The following PCDHGA1 variants were observed in gnomAD, a reference collection of about 807,000 sequenced individuals.
PCDHGA1 encodes protocadherin gamma subfamily A, 1, also known as protocadherin gamma-A1.
A neutral mutation model predicts 58.0 loss-of-function variants in PCDHGA1; 32 were observed. The ratio of observed to expected loss-of-function variants is 0.55; its 90% confidence interval spans 0.42 to 0.74. The LOEUF is 0.74. Among genes scored for constraint, PCDHGA1 ranks in the 30% least tolerant of loss-of-function variants. PCDHGA1 has a pLI of 0.00. For missense variants in PCDHGA1, 1,205 were observed against 1,182.3 expected (o/e 1.02, Z -0.28); for synonymous variants, 498 against 501.1 (o/e 0.99, Z 0.08).
chr5:141,471,065 T>C (rs1355886133), intron 1 of PCDHGA1, among the ~76,000 whole-genome samples: 3 of 148,628 alleles, frequency 2.0e-5, no homozygotes, highest in Non-Finnish European at 3.0e-5. Context: ...TTTTTTTTTT[T>C]TGAGACAGGG....
chr5:141,393,052 G>A, intron 1 of PCDHGA1: 1 of 1,613,612 alleles, frequency 6.2e-7, no homozygotes, highest in Non-Finnish European at 8.5e-7. Flanking sequence ...CTGAACCCGC[G>A]CAGCGGCAGC....
At chr5:141,390,553 A>G in intron 1 of PCDHGA1, 3 of 476,468 alleles carry the variant, frequency 6.3e-6, no homozygotes, top group Non-Finnish European at 1.1e-5. Context: ...TGAAAGTGTT[A>G]GACAGTTGTT....
chr5:141,394,946 T>A (rs759854662), intron 1 of PCDHGA1: 1 of 1,613,768 alleles, frequency 6.2e-7, no homozygotes, highest in East Asian at 2.2e-5. Flanking sequence ...TCGCTGTGCT[T>A]CTGGGGCTCA....
At position 141,423,482 on chromosome 5, in the gene PCDHGA1, A is replaced by T. The variant is rs553914622; in HGVS notation, c.2422-71325A>T. On this transcript the variant is annotated intron_variant, in intron 1 of 3. Transcript: ENST00000517417. ...GTGGACGGGGTACAGGCTTTCCTGC[A>T]AACCTATTCCCACGAGGTCTCTCTC... is the stretch of plus-strand genomic sequence containing the variant. 1.1e-5 allele frequency: 17 copies of T among 1,613,968 alleles called. No homozygotes were observed. The African/African-American group carries it at 2.3e-4, about 22-fold the overall frequency.
chr5:141,494,142 A>G (rs2099752161), intron 1 of PCDHGA1, among the ~76,000 whole-genome samples: 1 of 152,090 alleles, frequency 6.6e-6, no homozygotes, highest in South Asian at 2.1e-4. Context: ...TTAGTCACAG[A>G]CCATTGTCTG....
chr5:141,433,140 CAGGTGATTCGGTATTTTCTAAAG>C (rs2097570930), intron 1 of PCDHGA1: 1 of 1,613,948 alleles, frequency 6.2e-7, no homozygotes, highest in Non-Finnish European at 8.5e-7. Flanking sequence ...CTTTTGCTGT[CAGGTGATTCGGTATTTTCTAAAG>C]ACAGTCATGG....
At chr5:141,345,740 A>G (rs564674250) in intron 1 of PCDHGA1, 17 of 1,614,172 alleles carry the variant, frequency 1.1e-5, no homozygotes, top group Admixed American at 1.7e-5. Context: ...CCCTCCCCAC[A>G]GACGGTTCCA....
chr5:141,372,340 G>C, intron 1 of PCDHGA1: 1 of 1,613,790 alleles, frequency 6.2e-7, no homozygotes, highest in Non-Finnish European at 8.5e-7. Flanking sequence ...GTGCGTGATG[G>C]AGGACAGCAG....
At position 141,487,905 on chromosome 5, in the gene PCDHGA1, G is replaced by A. The variant is rs1305989274; in HGVS notation, c.2422-6902G>A. The A allele has an allele frequency of 2.9e-6, 2 of 686,270 alleles. No individual in the cohort carries two copies. The highest frequency in any genetic ancestry group is 3.6e-5 in the African/African-American group (2 of 55,348). The allele number at this position is 686,270 out of a possible 1,614,324, so 42.5% of individuals were successfully genotyped here. ...GTGGAAGCATGATGATGGAATGTGG[G>A]AGCACAGGAGGCTACAGTGCACAGG... On this transcript the variant is annotated intron_variant, in intron 1 of 3. Coordinates refer to ENST00000517417, the MANE Select transcript of PCDHGA1 (RefSeq NM_018912.3). This position sits in a 1 kb window ranked among gnomAD's most constrained non-coding sequence, Gnocchi z 5.0.
chr5:141,375,736 T>C (rs1771819108), intron 1 of PCDHGA1: 2 of 1,614,242 alleles, frequency 1.2e-6, no homozygotes, highest in East Asian at 2.2e-5. Flanking sequence ...TGAGCCTGTT[T>C]GTGCTGGACC....
In PCDHGA1 at chr5:141,332,259, C is replaced by G. The variant is rs1280387328; in HGVS notation, c.1575C>G (p.Phe525Leu). The change falls in exon 1 of 4, where the codon TTC becomes TTG. Residue 525 changes from phenylalanine (F) to leucine (L), a missense_variant. By Grantham distance (22) the Phe-to-Leu change is conservative (BLOSUM62 0). Transcript: ENST00000517417. The surrounding 1 kb of genome is among the most constrained non-coding windows in gnomAD (Gnocchi z 4.6). ...YALRSFDYEQ[F>L]RDMQLKVMAR... ...TGCGATCCTTCGACTATGAGCAGTTCCGGGACATGCAACTGAAAGTGATGG... is the reference window on the plus strand; with the variant it reads ...TGCGATCCTTCGACTATGAGCAGTTGCGGGACATGCAACTGAAAGTGATGG... 4 of 1,614,238 alleles carry G rather than the reference C, an allele frequency of 2.5e-6. No individual in the cohort carries two copies. The highest frequency in any genetic ancestry group is 3.4e-6 in the Non-Finnish European group (4 of 1,180,046).
At chr5:141,422,434 T>C in intron 1 of PCDHGA1, 5 of 1,609,566 alleles carry the variant, frequency 3.1e-6, no homozygotes, top group Non-Finnish European at 3.4e-6. Context: ...TGGAAATTAT[T>C]ACAAATTGAT....
At position 141,468,868 on chromosome 5, in the gene PCDHGA1, A is replaced by AAAT. The variant is rs993655754; in HGVS notation, c.2422-25921_2422-25919dup. Among the ~76,000 whole-genome samples, 30 of 151,912 alleles carry AAAT rather than the reference A, an allele frequency of 2.0e-4. No homozygotes were observed. The East Asian group carries it at 4.3e-3, about 22-fold the overall frequency. On this transcript the variant is annotated intron_variant, in intron 1 of 3. Coordinates refer to ENST00000517417, the MANE Select transcript of PCDHGA1 (RefSeq NM_018912.3). ...GCAACAGAGCGAGACTCCATCTCAAAAATAATAATAATAATAATAAGGTAC... is the reference window on the plus strand; with the variant it reads ...GCAACAGAGCGAGACTCCATCTCAAAAATAATAATAATAATAATAATAAGGTAC...
At chr5:141,428,305 G>A (rs751498223) in intron 1 of PCDHGA1, 8 of 694,348 alleles carry the variant, frequency 1.2e-5, no homozygotes, top group African/African-American at 1.8e-5. Flanking sequence ...GATTTACCTG[G>A]TCGTGGCCTT....
intron 1 of PCDHGA1, among the ~76,000 whole-genome samples, chr5:141,353,321 C>T (rs941282314): frequency 6.6e-6 from 1 of 152,020 alleles, no homozygotes; most frequent in Non-Finnish European, 1.5e-5. Context: ...AGAGTTCTTC[C>T]CACCCAAGTT....
At chr5:141,378,584 A>T (rs1775030344) in intron 1 of PCDHGA1, 1 of 152,240 alleles carries the variant, frequency 6.6e-6, no homozygotes, top group Admixed American at 6.5e-5. Flanking sequence ...CATGCTCGGT[A>T]GTGTCTGCTT....
At chr5:141,369,567 A>G (rs1325702872) in intron 1 of PCDHGA1, among the ~76,000 whole-genome samples, 2 of 152,244 alleles carry the variant, frequency 1.3e-5, no homozygotes, top group African/African-American at 4.8e-5. Flanking sequence ...ACAAAGGAAA[A>G]GAGACCCTCT....
rs1363636662 is a variant in PCDHGA1, at chr5:141,356,692, G to A, written c.2421+23587G>A. The A allele has an allele frequency of 5.0e-6, 8 of 1,613,832 alleles. No individual in the cohort carries two copies. The South Asian group carries it at 7.7e-5, about 16-fold the overall frequency. ...CTCCCTGGCCGAAGACACCTTCCAG[G>A]GTGCACCTCTGTCCTCCTATGTCTC... On this transcript the variant is annotated intron_variant, in intron 1 of 3. Transcript: ENST00000517417.
chr5:141,423,026 G>T (rs1333695085), intron 1 of PCDHGA1: 1 of 1,614,210 alleles, frequency 6.2e-7, no homozygotes, highest in Admixed American at 1.7e-5. Context: ...AAAGATTCAG[G>T]CCAGAACGCC....
Sources: gnomAD v4.1 joint callset for allele counts (sites outside exome capture counted in the v4.1 genomes callset) on GRCh38, gnomAD v4.1.1 for gene constraint, Gnocchi (gnomAD v3.1) non-coding constraint, MANE v1.5 for transcripts, NCBI Gene and HGNC (gene_info 2026-07-23, HGNC 2026-07-21) for gene names.